PRKCE: variants seen among roughly 807,000 people sequenced by gnomAD.
PRKCE encodes the protein protein kinase C epsilon type.
A neutral mutation model predicts 85.4 loss-of-function variants in PRKCE; 16 were observed. The ratio of observed to expected loss-of-function variants is 0.19; its 90% CI spans 0.13 to 0.28. The LOEUF (loss-of-function observed/expected upper bound fraction) is 0.28, where lower values mean the gene tolerates loss of function less well. PRKCE is among the 10% of genes least tolerant of loss of function. The pLI is 1.00. For missense variants in PRKCE, 573 were observed against 975.2 expected (o/e 0.59, Z 5.49); for synonymous variants, 388 against 371.5 (o/e 1.04, Z -0.51).
intron 10 of PRKCE, among the ~76,000 whole-genome samples, chr2:46,077,796 C>G (rs1668691244): frequency 6.6e-6 from 1 of 152,048 alleles, no homozygotes; most frequent in Non-Finnish European, 1.5e-5. Flanking sequence ...AAAAATCCTT[C>G]TTTCTATTAC....
rs187607155 is a variant in PRKCE at position 46,039,708 on chromosome 2, T to C, written c.1437+29191T>C. 2.6e-5 allele frequency among the ~76,000 whole-genome samples: 4 copies of C among 152,332 alleles called. No homozygotes were observed. The East Asian group carries it at 7.7e-4, about 29-fold the overall frequency. ...CTAATGTCCTCTAAAGTGTTTTTCC[T>C]GTTGTTTATTCCAGAAATAGTTCAG... On this transcript the variant is annotated intron_variant, in intron 10 of 14. Coordinates refer to ENST00000306156, the MANE Select transcript of PRKCE (RefSeq NM_005400.3).
chr2:45,765,425 G>T (rs570328035), intron 1 of PRKCE, among the ~76,000 whole-genome samples: 1 of 152,150 alleles, frequency 6.6e-6, no homozygotes, highest in African/African-American at 2.4e-5. Context: ...TGGACTCCCC[G>T]GTGCCTTGAA....
intron 6 of PRKCE, among the ~76,000 whole-genome samples, chr2:45,990,893 C>T (rs967198774): frequency 6.6e-6 from 1 of 152,100 alleles, no homozygotes; most frequent in Non-Finnish European, 1.5e-5. Context: ...AACTCCTGAC[C>T]TCAAGTGATC....
intron 2 of PRKCE, among the ~76,000 whole-genome samples, chr2:45,856,806 T>C (rs1268680587): frequency 6.6e-6 from 1 of 152,212 alleles, no homozygotes; most frequent in Non-Finnish European, 1.5e-5. Flanking sequence ...CATGCAGTGT[T>C]TGTCTTTCTG....
At chr2:46,182,409 A>G (rs1285442174) in intron 14 of PRKCE, among the ~76,000 whole-genome samples, 2 of 152,038 alleles carry the variant, frequency 1.3e-5, no homozygotes, top group Non-Finnish European at 2.9e-5. Flanking sequence ...TTCTGTACAC[A>G]CTGGAGAGGG....
chr2:45,688,631 T>C (rs1194525080), intron 1 of PRKCE, among the ~76,000 whole-genome samples: 2 of 152,202 alleles, frequency 1.3e-5, no homozygotes, highest in Admixed American at 1.3e-4. Flanking sequence ...AATGATTCTG[T>C]TGTTTTTGTG....
At chr2:45,993,736 G>A (rs538302978) in intron 6 of PRKCE, among the ~76,000 whole-genome samples, 3 of 152,228 alleles carry the variant, frequency 2.0e-5, no homozygotes, top group Non-Finnish European at 4.4e-5. Context: ...CAGGTGTGGT[G>A]AATGAGCATC....
intron 1 of PRKCE, among the ~76,000 whole-genome samples, chr2:45,817,114 G>C (rs1689125528): frequency 9.0e-6 from 1 of 111,606 alleles, no homozygotes; most frequent in East Asian, 2.2e-4. Flanking sequence ...TGTGTGTTGT[G>C]GGTAGGGACA....
chr2:46,082,513 A>T lies in PRKCE; in HGVS notation c.1438-3695A>T, dbSNP rs537641800. Among the ~76,000 whole-genome samples the T allele has an allele frequency of 2.0e-5, 3 of 152,174 alleles. No homozygotes were observed. In the South Asian group the frequency reaches 6.2e-4, roughly 32 times the overall value. On this transcript the variant is annotated intron_variant, in intron 10 of 14. Transcript: ENST00000306156. ...GCTTGAGTGCCTTTGGGGCATCTGG[A>T]TGGAGATGTCAGAACCGCAGTTGGA...
chr2:45,901,185 G>T (rs1696552936), intron 2 of PRKCE, among the ~76,000 whole-genome samples: 1 of 152,180 alleles, frequency 6.6e-6, no homozygotes, highest in African/African-American at 2.4e-5. Context: ...TTGAGATGCA[G>T]AAAAATTGCT....
At chr2:46,083,957 CT>C (rs1203286378) in intron 10 of PRKCE, among the ~76,000 whole-genome samples, 1 of 152,202 alleles carries the variant, frequency 6.6e-6, no homozygotes, top group Non-Finnish European at 1.5e-5. Context: ...TGGGAATCAC[CT>C]GAGGAGCTTT....
At chr2:46,077,437 A>G (rs1356608314) in intron 10 of PRKCE, among the ~76,000 whole-genome samples, 1 of 152,232 alleles carries the variant, frequency 6.6e-6, no homozygotes, top group Non-Finnish European at 1.5e-5. Context: ...AAGGAAAAAG[A>G]AAAGAACTAA....
chr2:45,889,573 G>A (rs1418977232), intron 2 of PRKCE, among the ~76,000 whole-genome samples: 2 of 151,924 alleles, frequency 1.3e-5, no homozygotes, highest in Non-Finnish European at 2.9e-5. Context: ...TTGGTGGGGT[G>A]GGGTGGGGTG....
At chr2:45,976,342 G>A in intron 2 of PRKCE, 87 bp from the exon 3 acceptor site, 1 of 1,465,990 alleles carries the variant, frequency 6.8e-7, no homozygotes, top group African/African-American at 1.4e-5. Flanking sequence ...CACTCCCCCA[G>A]GGATGGAGTA....
intron 1 of PRKCE, among the ~76,000 whole-genome samples, chr2:45,831,886 AAC>A (rs1261921380): frequency 6.6e-6 from 1 of 152,160 alleles, no homozygotes. Flanking sequence ...ATAAATAAAT[AAC>A]ACAAAAATAT....
intron 10 of PRKCE, among the ~76,000 whole-genome samples, chr2:46,079,803 G>C (rs190986151): frequency 6.6e-6 from 1 of 152,354 alleles, no homozygotes; most frequent in Non-Finnish European, 1.5e-5. Context: ...GGCAGGCCTA[G>C]TTTTCTCTTC....
intron 1 of PRKCE, among the ~76,000 whole-genome samples, chr2:45,733,761 G>T (rs62128648): frequency 6.6e-6 from 1 of 152,114 alleles, no homozygotes; most frequent in South Asian, 2.1e-4. Flanking sequence ...AGTAGGAAGC[G>T]CTCGGGGCTT....
In PRKCE at chr2:45,717,608, G is replaced by A. The variant is rs78751139; in HGVS notation, c.348+65160G>A. On this transcript the variant is annotated intron_variant, in intron 1 of 14. Coordinates refer to ENST00000306156, the MANE Select transcript of PRKCE (RefSeq NM_005400.3). ...TTGACTGCAAGAAGAGGATCCTGAG[G>A]CTTTTTTCCTAATAGTTTTTGTATT... 7.1e-3 allele frequency among the ~76,000 whole-genome samples: 1,083 copies of A among 152,236 alleles called. 13 individuals carry two copies. Among genetic ancestry groups the A allele is most frequent in the African/African-American group, 0.024 (980 of 41,534 alleles).
chr2:45,857,809 G>A (rs1301650773), intron 2 of PRKCE, among the ~76,000 whole-genome samples: 1 of 152,130 alleles, frequency 6.6e-6, no homozygotes, highest in Non-Finnish European at 1.5e-5. Context: ...CAGGGACTGT[G>A]TTTATTTTCA....
Sources: gnomAD v4.1 joint callset for allele counts (sites outside exome capture counted in the v4.1 genomes callset) on GRCh38, gnomAD v4.1.1 for gene constraint, MANE v1.5 for transcripts, NCBI Gene and HGNC (gene_info 2026-07-23, HGNC 2026-07-21) for gene names.